SPHKAP: variants seen among roughly 807,000 people sequenced by gnomAD.
The protein encoded by SPHKAP is A-kinase anchor protein SPHKAP.
SPHKAP carries 67 observed loss-of-function variants against 137.5 expected under a neutral mutation model. The observed-to-expected ratio is 0.49, with a 90% confidence interval of 0.40 to 0.60. SPHKAP has a LOEUF of 0.60. Ranked by LOEUF, SPHKAP falls within the 20% of genes least tolerant of loss-of-function variation. The pLI is 0.00. For synonymous variants in SPHKAP, 813 were observed against 785.3 expected, an observed-to-expected ratio of 1.04 and a Z score of -0.59; for missense variants, 2,097 against 2,069.3, an observed-to-expected ratio of 1.01 and a Z score of -0.26.
intron 3 of SPHKAP, among the ~76,000 whole-genome samples, chr2:228,059,162 A>G (rs925357021): frequency 1.3e-5 from 2 of 152,154 alleles, no homozygotes; most frequent in Non-Finnish European, 2.9e-5. Flanking sequence ...TACTGTCTGG[A>G]TGCACCATGG....
intron 3 of SPHKAP, among the ~76,000 whole-genome samples, chr2:228,059,479 C>T (rs1315294877): frequency 6.6e-6 from 1 of 152,186 alleles, no homozygotes; most frequent in African/African-American, 2.4e-5. Flanking sequence ...GCAGAGGATA[C>T]TGCATGGGTT....
chr2:228,172,453 A>G (rs1270752760), intron 1 of SPHKAP, among the ~76,000 whole-genome samples: 2 of 152,114 alleles, frequency 1.3e-5, no homozygotes, highest in South Asian at 4.1e-4. Flanking sequence ...TTCCAACTTC[A>G]TCGTCATATC....
At chr2:228,069,743 A>G (rs73096666) in intron 3 of SPHKAP, among the ~76,000 whole-genome samples, 2,809 of 152,290 alleles carry the variant, frequency 0.018, 84 homozygotes, top group African/African-American at 0.062. Flanking sequence ...AGATGAGGGA[A>G]GCCTGAGGAA....
intron 3 of SPHKAP, among the ~76,000 whole-genome samples, chr2:228,093,880 A>C (rs957345088): frequency 8.6e-5 from 13 of 151,050 alleles, no homozygotes; most frequent in Non-Finnish European, 1.5e-4. Context: ...AAAAAAAAAA[A>C]AAAAAACAAA....
intron 11 of SPHKAP, among the ~76,000 whole-genome samples, chr2:227,986,652 G>T (rs1274423451): frequency 6.6e-6 from 1 of 152,126 alleles, no homozygotes; most frequent in Non-Finnish European, 1.5e-5. Flanking sequence ...AATAGAATAA[G>T]AAATTAGAGG....
At chr2:228,115,904 G>A (rs1453632510) in intron 2 of SPHKAP, among the ~76,000 whole-genome samples, 1 of 152,080 alleles carries the variant, frequency 6.6e-6, no homozygotes, top group Non-Finnish European at 1.5e-5. Context: ...GAGGTGATTA[G>A]GTTAAAAGGG....
At chr2:228,157,585 CG>C (rs2106408204) in intron 1 of SPHKAP, among the ~76,000 whole-genome samples, 1 of 152,178 alleles carries the variant, frequency 6.6e-6, no homozygotes, top group African/African-American at 2.4e-5. Flanking sequence ...TTTTAGTTGT[CG>C]TTTTTTTAAT....
chr2:228,036,508 T>C (rs1265950300), intron 3 of SPHKAP, among the ~76,000 whole-genome samples: 3 of 152,170 alleles, frequency 2.0e-5, no homozygotes, highest in African/African-American at 7.2e-5. Flanking sequence ...AGAAATACCA[T>C]TTGACTCAGC....
intron 3 of SPHKAP, among the ~76,000 whole-genome samples, chr2:228,068,106 A>G (rs940165820): frequency 6.6e-6 from 1 of 152,210 alleles, no homozygotes; most frequent in Non-Finnish European, 1.5e-5. Context: ...AAAAGAAGTT[A>G]AGAAAGCAAT....
At chr2:228,115,467 A>G (rs1698679486) in intron 2 of SPHKAP, among the ~76,000 whole-genome samples, 1 of 152,124 alleles carries the variant, frequency 6.6e-6, no homozygotes, top group Non-Finnish European at 1.5e-5. Context: ...GCTATCTGGA[A>G]CATCTCTTTA....
intron 1 of SPHKAP, among the ~76,000 whole-genome samples, chr2:228,143,279 C>T (rs1428152567): frequency 2.6e-5 from 4 of 151,984 alleles, no homozygotes; most frequent in Admixed American, 1.3e-4. Context: ...CGGTGGCTCA[C>T]GCCTGTAATC....
chr2:228,152,318 AT>A (rs1699959726), intron 1 of SPHKAP, among the ~76,000 whole-genome samples: 1 of 152,088 alleles, frequency 6.6e-6, no homozygotes, highest in South Asian at 2.1e-4. Flanking sequence ...TTTTGAGGCA[AT>A]TTTATTAGGT....
At chr2:228,114,103 A>G (rs1251474664) in intron 2 of SPHKAP, among the ~76,000 whole-genome samples, 1 of 152,156 alleles carries the variant, frequency 6.6e-6, no homozygotes, top group East Asian at 1.9e-4. Context: ...AAAACTCACC[A>G]GGCTCTCAAT....
intron 11 of SPHKAP, among the ~76,000 whole-genome samples, chr2:227,984,005 T>C (rs1693109471): frequency 6.6e-6 from 1 of 152,050 alleles, no homozygotes. Flanking sequence ...GTCTCAGTGT[T>C]AGAATTTCAG....
chr2:228,029,183 CA>C (rs1339312257), intron 3 of SPHKAP, among the ~76,000 whole-genome samples: 2 of 152,120 alleles, frequency 1.3e-5, no homozygotes, highest in Non-Finnish European at 2.9e-5. Context: ...AGCAATCATC[CA>C]AAGGTTTTTA....
chr2:228,154,506 C>CTATATATATATATATATATATATA (rs1397617929), intron 1 of SPHKAP, among the ~76,000 whole-genome samples: 1 of 29,904 alleles, frequency 3.3e-5, no homozygotes, highest in Non-Finnish European at 6.2e-5. Flanking sequence ...CTCTCTCTCT[C>CTATATATATATATATATATATATA]TCTCTCTATA....
intron 4 of SPHKAP, 89 bp downstream of exon 4, chr2:228,027,395 C>T: frequency 7.5e-7 from 1 of 1,325,588 alleles, no homozygotes; most frequent in Non-Finnish European, 1.1e-6. Context: ...ACTAAAGAGT[C>T]TCCTACAAAA....
intron 7 of SPHKAP, among the ~76,000 whole-genome samples, chr2:228,008,587 T>G (rs1367336565): frequency 6.6e-6 from 1 of 152,030 alleles, no homozygotes; most frequent in Non-Finnish European, 1.5e-5. Context: ...AAGCCACTGC[T>G]CCCAGCCATT....
intron 3 of SPHKAP, among the ~76,000 whole-genome samples, chr2:228,059,235 T>C (rs13388871): frequency 0.071 from 10,793 of 152,230 alleles, 522 homozygotes; most frequent in African/African-American, 0.13. Context: ...GAGCATAAAT[T>C]TTCATTCCAC....
Sources: gnomAD v4.1 joint callset for allele counts (sites outside exome capture counted in the v4.1 genomes callset) on GRCh38, gnomAD v4.1.1 for gene constraint, MANE v1.5 for transcripts, NCBI Gene and HGNC (gene_info 2026-07-23, HGNC 2026-07-21) for gene names.